NLRP13: variants seen among roughly 807,000 people sequenced by gnomAD.
The protein encoded by NLRP13 is NACHT, LRR and PYD domains-containing protein 13.
In NLRP13, 82 loss-of-function variants were observed where a neutral mutation model predicts 94.4. That is an observed-to-expected ratio of 0.87 (90% confidence interval 0.73 to 1.04). The LOEUF is 1.04. Among genes scored for constraint, NLRP13 ranks in the 50% least tolerant of loss-of-function variants. The pLI, the probability that NLRP13 is intolerant of heterozygous loss-of-function variation, is 0.00. For synonymous variants in NLRP13, 553 were observed against 464.7 expected (o/e 1.19, Z -2.45); for missense variants, 1,426 against 1,230.8 (o/e 1.16, Z -2.37).
rs545129031 is a variant in NLRP13 at position 55,900,968 on chromosome 19, C to T, written c.2789+1067G>A. Among the ~76,000 whole-genome samples, 7 of 151,484 alleles carry T rather than the reference C, an allele frequency of 4.6e-5. No homozygotes were observed. The South Asian group carries it at 6.3e-4, about 14-fold the overall frequency. ...CTGGAAGAATAACAAATCCCTTGAC[C>T]GGCCAGGCACAGTGGCTCACGTCTT... is the stretch of plus-strand genomic sequence containing the variant. On this transcript the variant is annotated intron_variant, in intron 9 of 10. Coordinates refer to ENST00000342929, the MANE Select transcript of NLRP13 (RefSeq NM_176810.2).
At chr19:55,892,742 C>T (rs1007991752), downstream of NLRP13, among the ~76,000 whole-genome samples, 5 of 152,110 alleles carry the variant, frequency 3.3e-5, no homozygotes, top group Non-Finnish European at 7.4e-5. Context: ...TCTTTAAATC[C>T]ACATGTACTG....
intron 8 of NLRP13, 64 bp downstream of exon 8, chr19:55,904,878 A>T: frequency 7.4e-7 from 1 of 1,344,286 alleles, no homozygotes; most frequent in Non-Finnish European, 1.0e-6. Context: ...AAATGAAGAA[A>T]CCATTGTTCT....
intron 4 of NLRP13, among the ~76,000 whole-genome samples, chr19:55,920,436 C>T (rs1986789949): frequency 6.6e-6 from 1 of 152,024 alleles, no homozygotes; most frequent in Non-Finnish European, 1.5e-5. Flanking sequence ...GGGCTAATAT[C>T]CAGAACCTAC....
Position 55,932,018 on chromosome 19 carries a change from A to G in NLRP13, c.294T>C (p.Cys98=). Residue 98 remains cysteine, a synonymous_variant, in exon 1 of 11, where the codon TGT becomes TGC. Coordinates refer to ENST00000342929, the MANE Select transcript of NLRP13 (RefSeq NM_176810.2). ...IFQTMNLTSL[C]EKVRAEMKEN... ...CTTTCATCTCGGCTCTAACTTTCTC[A>G]CACAGTGAGGTCAGATTCATTGTCT... The G allele has an allele frequency of 1.2e-6, 2 of 1,613,682 alleles. No individual in the cohort carries two copies. Among genetic ancestry groups the G allele is most frequent in the South Asian group, 2.2e-5 (2 of 91,050 alleles).
rs1024378673 is a variant in NLRP13 at position 55,901,912 on chromosome 19, C to T, written c.2789+123G>A. On this transcript the variant is annotated intron_variant, in intron 9 of 10. Coordinates refer to ENST00000342929, the MANE Select transcript of NLRP13 (RefSeq NM_176810.2). The stretch of plus-strand genomic sequence containing the variant: ...CCCACACCCCCGACAAAACCAGAAG[C>T]TCCTCCATGGCAAAGAGCTTGTCCA... The T allele has an allele frequency of 1.7e-5, 17 of 1,003,450 alleles. No homozygotes were observed. In the Admixed American group the frequency reaches 4.3e-4, roughly 25 times the overall value. 62.2% of individuals were successfully genotyped at this position (1,003,450 alleles called of 1,614,324 possible).
At chr19:55,929,739 G>A (rs1033984490) in intron 1 of NLRP13, among the ~76,000 whole-genome samples, 22 of 152,046 alleles carry the variant, frequency 1.4e-4, no homozygotes, top group African/African-American at 5.3e-4. Context: ...AAACCTGCAC[G>A]TTGTGCACAT....
At chr19:55,917,917 G>T (rs894324167) in intron 4 of NLRP13, among the ~76,000 whole-genome samples, 1 of 151,950 alleles carries the variant, frequency 6.6e-6, no homozygotes, top group African/African-American at 2.4e-5. Flanking sequence ...AAATGAAACT[G>T]ACACACATTT....
intron 8 of NLRP13, among the ~76,000 whole-genome samples, chr19:55,903,179 C>G (rs1600261500): frequency 6.6e-6 from 1 of 152,030 alleles, no homozygotes; most frequent in African/African-American, 2.4e-5. Context: ...CACATTGTAT[C>G]ATGATCATAC....
intron 8 of NLRP13, among the ~76,000 whole-genome samples, chr19:55,904,738 G>A (rs1348327752): frequency 6.6e-6 from 1 of 152,160 alleles, no homozygotes; most frequent in East Asian, 1.9e-4. Context: ...TGGAAATTAA[G>A]TTTCTTGGCA....
chr19:55,913,871 T>A (rs1986611072), intron 4 of NLRP13, among the ~76,000 whole-genome samples: 1 of 152,050 alleles, frequency 6.6e-6, no homozygotes, highest in Non-Finnish European at 1.5e-5. Flanking sequence ...AAAGACACCT[T>A]CTAGCCAGTA....
At chr19:55,895,896 A>G (rs1985993385), downstream of NLRP13, 1 of 1,580,476 alleles carries the variant, frequency 6.3e-7, no homozygotes, top group Non-Finnish European at 8.6e-7. Flanking sequence ...AGCCTAGTCA[A>G]TCTAGCCTTG....
chr19:55,905,191 C>T (rs969095937), intron 7 of NLRP13, 79 bp from the exon 8 acceptor site: 4 of 1,434,928 alleles, frequency 2.8e-6, no homozygotes, highest in South Asian at 2.4e-5. Flanking sequence ...ACCCCTTAAC[C>T]CCCGAGACCC....
chr19:55,910,613 C>G lies in NLRP13; in HGVS notation c.2232G>C (p.Lys744Asn). 1.9e-6 allele frequency: 3 copies of G among 1,613,614 alleles called. No individual in the cohort carries two copies. The highest frequency in any genetic ancestry group is 2.5e-6 in the Non-Finnish European group (3 of 1,179,602). The change falls in exon 6 of 11, where the codon AAG (lysine) becomes AAC (asparagine). Residue 744 changes from lysine to asparagine, a missense_variant. Lys to Asn is a moderately conservative substitution (Grantham distance 94). Coordinates refer to ENST00000342929, the MANE Select transcript of NLRP13 (RefSeq NM_176810.2). ...GATTTTTCAGTGCAAGACAGAGACCCTTCACAGAGGAAGCATGAAGTTTGC... is the reference window on the plus strand; with the variant it reads ...GATTTTTCAGTGCAAGACAGAGACCGTTCACAGAGGAAGCATGAAGTTTGC... ...SNSKLHASSV[K>N]GLCLALKNPR...
intron 10 of NLRP13, among the ~76,000 whole-genome samples, chr19:55,898,200 G>GTTTTTTTTTTTTTTTTTTTTTTTTTTTTT: frequency 7.4e-6 from 1 of 135,574 alleles, no homozygotes; most frequent in Non-Finnish European, 1.6e-5. Flanking sequence ...GAGAGTTTTT[G>GTTTTTTTTTTTTTTTTTTTTTTTTTTTTT]TTTTTGTTTT....
intron 3 of NLRP13, 33 bp downstream of exon 3, chr19:55,924,557 A>T (rs1203382550): frequency 1.3e-6 from 2 of 1,503,776 alleles, no homozygotes; most frequent in African/African-American, 2.8e-5. Flanking sequence ...CCATCAAGCA[A>T]CCTGTCAATT....
At position 55,930,460 on chromosome 19, in the gene NLRP13, C is replaced by T. The variant is rs770919605; in HGVS notation, c.319+1533G>A. Among the ~76,000 whole-genome samples, 10 of 151,750 alleles carry T rather than the reference C, an allele frequency of 6.6e-5. No individual in the cohort carries two copies. In the East Asian group the frequency reaches 1.4e-3, roughly 21 times the overall value. On this transcript the variant is annotated intron_variant, in intron 1 of 10. Coordinates refer to ENST00000342929, the MANE Select transcript of NLRP13 (RefSeq NM_176810.2). ...CAGAATTTTGGGAGGCTGAGGCAGG[C>T]AAATCACCTGAGGTCAGAAGTTTGA...
intron 8 of NLRP13, 94 bp downstream of exon 8, chr19:55,904,848 T>G (rs1986289444): frequency 1.9e-6 from 2 of 1,043,660 alleles, no homozygotes; most frequent in Non-Finnish European, 2.7e-6. Flanking sequence ...TGTTACTTTT[T>G]AATAATATAA....
chr19:55,909,113 T>C lies in NLRP13; in HGVS notation c.2283-1157A>G, dbSNP rs116260839. 8.8e-3 allele frequency among the ~76,000 whole-genome samples: 1,346 copies of C among 152,280 alleles called. 18 individuals carry two copies. The highest frequency in any genetic ancestry group is 0.029 in the African/African-American group (1,195 of 41,556). ...TGGGGGAAAAGCAAGGTAGAATTCA[T>C]TGGCCTAGACACCAGATCATTCAAA... On this transcript the variant is annotated intron_variant, in intron 6 of 10. Transcript: ENST00000342929.
At chr19:55,907,710 C>T in intron 7 of NLRP13, 82 bp downstream of exon 7, 2 of 1,314,154 alleles carry the variant, frequency 1.5e-6, no homozygotes, top group South Asian at 1.2e-5. Flanking sequence ...AGGCTGAGTG[C>T]TGTCAGCCCT....
Sources: allele counts gnomAD v4.1 joint callset (sites outside exome capture counted in the v4.1 genomes callset), GRCh38; gene constraint gnomAD v4.1.1; transcripts MANE v1.5; gene names NCBI Gene and HGNC (gene_info 2026-07-23, HGNC 2026-07-21).